The following SASH1 variants were observed in gnomAD, a reference collection of about 807,000 sequenced individuals.
SASH1 encodes SAM and SH3 domain-containing protein 1.
A neutral mutation model predicts 125.2 loss-of-function variants in SASH1; 44 were observed. That is an observed-to-expected ratio of 0.35 (90% CI 0.28 to 0.45). The LOEUF is 0.45. Ranked by LOEUF, SASH1 falls within the 20% of genes least tolerant of loss-of-function variation. SASH1 has a pLI of 1.00. For missense variants in SASH1, 1,426 were observed against 1,614.5 expected (o/e 0.88, Z 2.00); for synonymous variants, 639 against 649.1 (o/e 0.98, Z 0.24).
intron 10 of SASH1, among the ~76,000 whole-genome samples, chr6:148,523,581 G>A (rs113969375): frequency 0.069 from 10,549 of 152,096 alleles, 497 homozygotes; most frequent in Non-Finnish European, 0.097. Context: ...CAGCATCGGT[G>A]AATAAGAACA....
upstream of SASH1, among the ~76,000 whole-genome samples, chr6:148,271,519 CTG>C (rs1779061375): frequency 6.6e-6 from 1 of 152,092 alleles, no homozygotes; most frequent in Admixed American, 6.6e-5. Flanking sequence ...TTTTTTAAGA[CTG>C]TATAAAACTT....
the SASH1 span, among the ~76,000 whole-genome samples, chr6:148,213,167 G>A: frequency 6.6e-4 from 101 of 152,230 alleles, no homozygotes; most frequent in Middle Eastern, 6.8e-3. Flanking sequence ...AAACTCTAGC[G>A]TCCTTCAGAT....
At chr6:148,269,529 G>C (rs1779014641), upstream of SASH1, among the ~76,000 whole-genome samples, 1 of 152,108 alleles carries the variant, frequency 6.6e-6, no homozygotes, top group Admixed American at 6.6e-5. Context: ...TGGGATTATA[G>C]GTGTGAGCCA....
chr6:148,515,435 G>T (rs1035202774), intron 9 of SASH1, among the ~76,000 whole-genome samples: 1 of 152,064 alleles, frequency 6.6e-6, no homozygotes, highest in Non-Finnish European at 1.5e-5. Context: ...AGGGTTTTTC[G>T]TTTTTATTGC....
intron 4 of SASH1, among the ~76,000 whole-genome samples, chr6:148,453,448 G>A (rs949005711): frequency 2.0e-5 from 3 of 152,150 alleles, no homozygotes; most frequent in South Asian, 2.1e-4. Flanking sequence ...AATCTATAAT[G>A]CAGATGGTAT....
intron 10 of SASH1, chr6:148,524,425 T>C (rs1781013537): frequency 6.6e-6 from 1 of 152,114 alleles, no homozygotes; most frequent in African/African-American, 2.4e-5. Flanking sequence ...TGGCTTTTAC[T>C]AGAAAAACAA....
At chr6:148,265,944 G>T in the SASH1 span, among the ~76,000 whole-genome samples, 1 of 151,822 alleles carries the variant, frequency 6.6e-6, no homozygotes, top group Non-Finnish European at 1.5e-5. Context: ...CAAGGAAGTT[G>T]TCATTGTCAA....
chr6:148,509,388 C>G (rs746410762), intron 8 of SASH1: 1 of 159,818 alleles, frequency 6.3e-6, no homozygotes, highest in Non-Finnish European at 1.4e-5. Flanking sequence ...TTAAATATCT[C>G]TCGGTGTTAC....
intron 2 of SASH1, among the ~76,000 whole-genome samples, chr6:148,421,207 A>AAGAAAGAG (rs1785083156): frequency 7.2e-6 from 1 of 138,972 alleles, no homozygotes; most frequent in Non-Finnish European, 1.7e-5. Context: ...GAAAGAAAGA[A>AAGAAAGAG]AGAAAGAAAA....
chr6:148,437,564 C>T (rs939117678), intron 2 of SASH1, among the ~76,000 whole-genome samples: 1 of 152,132 alleles, frequency 6.6e-6, no homozygotes, highest in Admixed American at 6.5e-5. Context: ...TGAAAAGTAG[C>T]TAAACAAGCT....
chr6:148,222,938 T>C, the SASH1 span, among the ~76,000 whole-genome samples: 5 of 152,184 alleles, frequency 3.3e-5, no homozygotes, highest in Non-Finnish European at 7.3e-5. Context: ...GACCTCTTGG[T>C]TCCTCCTCTC....
chr6:148,463,096 A>C, intron 4 of SASH1, among the ~76,000 whole-genome samples: 1 of 152,178 alleles, frequency 6.6e-6, no homozygotes, highest in East Asian at 1.9e-4. Context: ...CTGGAAAAGA[A>C]AATATGGCAA....
chr6:148,525,740 G>A (rs1205145562), intron 11 of SASH1, among the ~76,000 whole-genome samples: 1 of 152,188 alleles, frequency 6.6e-6, no homozygotes, highest in Non-Finnish European at 1.5e-5. Context: ...ATGAAGTGGA[G>A]CCCTGTGATT....
At chr6:148,433,623 C>A (rs1207562378) in intron 2 of SASH1, among the ~76,000 whole-genome samples, 1 of 151,864 alleles carries the variant, frequency 6.6e-6, no homozygotes, top group African/African-American at 2.4e-5. Flanking sequence ...CCAGGCTGGT[C>A]TTGAACTACT....
chr6:148,307,937 C>T (rs6938992), intron 1 of SASH1, among the ~76,000 whole-genome samples: 123 of 152,174 alleles, frequency 8.1e-4, no homozygotes, highest in African/African-American at 2.6e-3. Flanking sequence ...ACTGAAGAGG[C>T]GCCATGATCC....
intron 2 of SASH1, among the ~76,000 whole-genome samples, chr6:148,408,271 C>T (rs1784462101): frequency 6.6e-6 from 1 of 151,304 alleles, no homozygotes; most frequent in Admixed American, 6.6e-5. Context: ...CCACGCCCGG[C>T]TAATTTTTGT....
At chr6:148,445,030 T>A (rs1776711803) in intron 4 of SASH1, among the ~76,000 whole-genome samples, 1 of 152,206 alleles carries the variant, frequency 6.6e-6, no homozygotes, top group East Asian at 1.9e-4. Context: ...ACCTGTAAAC[T>A]GTCATGGTGC....
intron 1 of SASH1, among the ~76,000 whole-genome samples, chr6:148,387,552 C>CCTTTCTTTCTTTTCT: frequency 8.6e-6 from 1 of 116,038 alleles, no homozygotes; most frequent in East Asian, 2.6e-4. Flanking sequence ...CTTTTCTTTT[C>CCTTTCTTTCTTTTCT]CTTTCTTTCT....
the SASH1 span, among the ~76,000 whole-genome samples, chr6:148,209,949 AT>A: frequency 6.6e-6 from 1 of 152,288 alleles, no homozygotes; most frequent in East Asian, 1.9e-4. Flanking sequence ...TTTTTCCCCA[AT>A]GTGTCTTCCA....
Sources: allele counts gnomAD v4.1 joint callset (sites outside exome capture counted in the v4.1 genomes callset), GRCh38; gene constraint gnomAD v4.1.1; transcripts MANE v1.5; gene names NCBI Gene and HGNC (gene_info 2026-07-23, HGNC 2026-07-21).